Variants in CHRM3 observed in about 807,000 individuals in gnomAD.
CHRM3 encodes the protein cholinergic receptor muscarinic 3.
In CHRM3, 11 loss-of-function variants were observed where a neutral mutation model predicts 41.8. The ratio of observed to expected loss-of-function variants is 0.26; its 90% CI spans 0.17 to 0.44. The LOEUF is 0.44. CHRM3 is among the 20% of genes least tolerant of loss of function. The pLI is 1.00. For synonymous variants in CHRM3, 297 were observed against 301.4 expected, an observed-to-expected ratio of 0.99 and a Z score of 0.15; for missense variants, 571 against 745.4, an observed-to-expected ratio of 0.77 and a Z score of 2.72.
intron 6 of CHRM3, among the ~76,000 whole-genome samples, chr1:239,864,422 G>T (rs1461605183): frequency 6.6e-6 from 1 of 152,012 alleles, no homozygotes; most frequent in Non-Finnish European, 1.5e-5. Context: ...CAGGAGAATC[G>T]CTTGAATCTG....
chr1:239,641,153 T>C (rs566124475), intron 4 of CHRM3, among the ~76,000 whole-genome samples: 16 of 152,318 alleles, frequency 1.1e-4, no homozygotes, highest in African/African-American at 3.8e-4. Flanking sequence ...TTTCTGTTCT[T>C]TTACATTTGC....
At chr1:239,520,066 A>G (rs1357919418) in intron 2 of CHRM3, among the ~76,000 whole-genome samples, 2 of 152,146 alleles carry the variant, frequency 1.3e-5, no homozygotes, top group Non-Finnish European at 2.9e-5. Context: ...CTCGAAATGT[A>G]TTGTCTCATA....
In CHRM3 at chr1:239,564,986, C is replaced by T. The variant is rs1429984860; in HGVS notation, c.-313+19237C>T. On this transcript the variant is annotated intron_variant, in intron 3 of 6. Coordinates refer to ENST00000676153, the MANE Select transcript of CHRM3 (RefSeq NM_001375978.1). ...TCCCCGGAGGCTCCAGGGGAGAATC[C>T]TTTCCTTGCCTCTTCCCGCTTCTGG... Among the ~76,000 whole-genome samples the T allele has an allele frequency of 5.3e-5, 8 of 152,136 alleles. No homozygotes were observed. In the East Asian group the frequency reaches 1.5e-3, roughly 29 times the overall value.
chr1:239,715,476 A>G (rs1662253007), intron 5 of CHRM3, among the ~76,000 whole-genome samples: 1 of 152,138 alleles, frequency 6.6e-6, no homozygotes. Context: ...GGCTGGAGTA[A>G]AACTATCATG....
Position 239,634,326 on chromosome 1 carries a change from C to T in CHRM3, c.-250+2040C>T, listed in dbSNP as rs553512285. On this transcript the variant is annotated intron_variant, in intron 4 of 6. Transcript: ENST00000676153. ...TGAGTCTATTCCTGTATAACAGAAA[C>T]GAGAGAGAGAGAGAAAGGAATAAAG... Among the ~76,000 whole-genome samples the T allele has an allele frequency of 1.2e-3, 154 of 127,596 alleles. 1 individual carries two copies. Among genetic ancestry groups the T allele is most frequent in the African/African-American group, 3.8e-3 (126 of 33,328 alleles). 83.7% of individuals were successfully genotyped at this position (127,596 alleles called of 152,430 possible).
At chr1:239,697,504 A>C (rs1174316557) in intron 5 of CHRM3, among the ~76,000 whole-genome samples, 1 of 149,454 alleles carries the variant, frequency 6.7e-6, no homozygotes, top group Non-Finnish European at 1.5e-5. Flanking sequence ...TTTCAGAAGG[A>C]GAAGCATTTG....
intron 4 of CHRM3, among the ~76,000 whole-genome samples, chr1:239,666,031 C>A (rs181385679): frequency 1.3e-4 from 20 of 152,246 alleles, no homozygotes; most frequent in Admixed American, 5.9e-4. Context: ...GGGTATATAA[C>A]CCAGCAATGG....
intron 1 of CHRM3, among the ~76,000 whole-genome samples, chr1:239,490,088 T>A (rs1245559291): frequency 6.6e-6 from 1 of 152,184 alleles, no homozygotes; most frequent in Non-Finnish European, 1.5e-5. Flanking sequence ...CTTAAGGACA[T>A]AAACAAATGT....
At chr1:239,407,417 T>TAGAG (rs67319486) in intron 1 of CHRM3, among the ~76,000 whole-genome samples, 8 of 134,186 alleles carry the variant, frequency 6.0e-5, no homozygotes, top group African/African-American at 1.3e-4. Context: ...TATATATATA[T>TAGAG]AGAGAGAGAG....
intron 3 of CHRM3, among the ~76,000 whole-genome samples, chr1:239,589,953 A>G (rs1459147427): frequency 1.3e-5 from 2 of 152,034 alleles, no homozygotes; most frequent in Non-Finnish European, 2.9e-5. Flanking sequence ...AAGTGCTTTT[A>G]TTTTTTATTT....
chr1:239,470,820 AC>A (rs1666065541), intron 1 of CHRM3, among the ~76,000 whole-genome samples: 1 of 151,516 alleles, frequency 6.6e-6, no homozygotes, highest in Admixed American at 6.6e-5. Flanking sequence ...CACTGTCACC[AC>A]CCTCAAATTG....
At chr1:239,650,885 G>A (rs1370171852) in intron 4 of CHRM3, among the ~76,000 whole-genome samples, 1 of 152,160 alleles carries the variant, frequency 6.6e-6, no homozygotes, top group Non-Finnish European at 1.5e-5. Flanking sequence ...ACGGTGTTTT[G>A]TAGTATCACA....
chr1:239,452,419 G>A (rs1338221010), intron 1 of CHRM3, among the ~76,000 whole-genome samples: 3 of 152,182 alleles, frequency 2.0e-5, no homozygotes, highest in African/African-American at 7.2e-5. Context: ...GAAATTAATT[G>A]CTTCATTAAG....
chr1:239,691,640 T>A (rs1659730918), intron 5 of CHRM3, among the ~76,000 whole-genome samples: 1 of 152,206 alleles, frequency 6.6e-6, no homozygotes, highest in African/African-American at 2.4e-5. Context: ...TTTTAAATGT[T>A]ATATATTGTT....
chr1:239,888,381 A>G (rs924347759), intron 6 of CHRM3, among the ~76,000 whole-genome samples: 6 of 151,594 alleles, frequency 4.0e-5, no homozygotes, highest in Non-Finnish European at 5.9e-5. Flanking sequence ...AAAAAAAAGG[A>G]AAAAAGAAAA....
chr1:239,410,966 A>G (rs1044600136), intron 1 of CHRM3, among the ~76,000 whole-genome samples: 1 of 152,168 alleles, frequency 6.6e-6, no homozygotes, highest in Admixed American at 6.5e-5. Flanking sequence ...CAACTGGGAA[A>G]CCTGCCTCTT....
At chr1:239,716,386 G>A (rs1188754436) in intron 5 of CHRM3, among the ~76,000 whole-genome samples, 2 of 152,086 alleles carry the variant, frequency 1.3e-5, no homozygotes, top group African/African-American at 4.8e-5. Context: ...CTGAAGCAGA[G>A]TGGAGGTTCA....
chr1:239,752,667 ATGT>A (rs1170955810), intron 5 of CHRM3, among the ~76,000 whole-genome samples: 1 of 152,194 alleles, frequency 6.6e-6, no homozygotes, highest in African/African-American at 2.4e-5. Flanking sequence ...AATGTGAATA[ATGT>A]TGTCAGGTTG....
At chr1:239,766,710 T>TATAGATATAG (rs1177977195) in intron 5 of CHRM3, among the ~76,000 whole-genome samples, 8 of 151,542 alleles carry the variant, frequency 5.3e-5, no homozygotes, top group African/African-American at 1.9e-4. Flanking sequence ...TAGATATAGA[T>TATAGATATAG]ATAGATATAA....
Sources: allele counts gnomAD v4.1 joint callset (sites outside exome capture counted in the v4.1 genomes callset), GRCh38; gene constraint gnomAD v4.1.1; transcripts MANE v1.5; gene names NCBI Gene and HGNC (gene_info 2026-07-23, HGNC 2026-07-21).